C1QL1: variants seen among roughly 807,000 people sequenced by gnomAD.
C1QL1 encodes complement C1q like 1.
A neutral mutation model predicts 14.2 loss-of-function variants in C1QL1; 15 were observed. The observed-to-expected ratio is 1.06, with a 90% confidence interval of 0.71 to 1.62. The LOEUF is 1.62. Ranked by LOEUF, C1QL1 falls within the 40% of genes most tolerant of loss-of-function variation. C1QL1 has a pLI of 0.00. For synonymous variants in C1QL1, 172 were observed against 172.4 expected (o/e 1.00, Z 0.02); for missense variants, 346 against 380.3 (o/e 0.91, Z 0.75).
Position 44,968,192 on chromosome 17 carries a change from G to A in C1QL1, c.-144C>T. Reference sequence around the variant, plus strand: ...GGCGCCCGCGCTCAAGGACGGTCCGGCGGGGCTGCGGGCATGGGGCCGGGC... The same window carrying A: ...GGCGCCCGCGCTCAAGGACGGTCCGACGGGGCTGCGGGCATGGGGCCGGGC... On this transcript the variant is annotated 5_prime_UTR_variant, in exon 1 of 2. Transcript: ENST00000253407. 4.6e-6 allele frequency: 1 copy of A among 218,744 alleles called. No individual in the cohort carries two copies. The highest frequency in any genetic ancestry group is 8.0e-6 in the Non-Finnish European group (1 of 125,584). 13.6% of individuals were successfully genotyped at this position (218,744 alleles called of 1,614,324 possible).
At position 44,967,996 on chromosome 17, in the gene C1QL1, G is replaced by C. The variant is rs763732036; in HGVS notation, c.53C>G (p.Pro18Arg). 1.4e-6 allele frequency: 2 copies of C among 1,385,576 alleles called. No homozygotes were observed. Among genetic ancestry groups the C allele is most frequent in the South Asian group, 3.3e-5 (2 of 61,018 alleles). 85.8% of individuals were successfully genotyped at this position (1,385,576 alleles called of 1,614,324 possible). A position where few individuals can be genotyped will look rare whatever the true frequency, so the allele number is the denominator to read the frequency against. Residue 18 changes from proline to arginine, a missense_variant, in exon 1 of 2, where the codon CCG becomes CGG. Coordinates refer to ENST00000253407, the MANE Select transcript of C1QL1 (RefSeq NM_006688.5). This position sits in a 1 kb window ranked among gnomAD's most constrained non-coding sequence, Gnocchi z 7.0. ...GCCCAGCATCTCATAGTGGCCTTCC[G>C]GGCCGCCCGAGCTCACCAGCACGGG... ...LIPVLVSSGG[P>R]EGHYEMLGTC...
chr17:44,968,156 G>T lies in C1QL1; in HGVS notation c.-108C>A. 2 of 619,220 alleles carry T rather than the reference G, an allele frequency of 3.2e-6. No homozygotes were observed. The highest frequency in any genetic ancestry group is 4.3e-6 in the Non-Finnish European group (2 of 463,184). 38.4% of individuals were successfully genotyped at this position (619,220 alleles called of 1,614,324 possible). ...GGGGCAATGGTGCCGGCGGGCAGGG[G>T]GCGCGGGCTAGGCGCCCGCGCTCAA... On this transcript the variant is annotated 5_prime_UTR_variant, in exon 1 of 2. Transcript: ENST00000253407.
Position 44,967,560 on chromosome 17 carries a change from G to A in C1QL1, c.489C>T (p.Ser163=), listed in dbSNP as rs775700744. The part of the protein sequence containing the change: ...TNLGNNYDAA[S]GKFTCNIPGT... ...CGGGAATGTTGCACGTAAACTTGCC[G>A]CTGGCCGCGTCGTAGTTGTTGCCTA... is the stretch of plus-strand genomic sequence containing the variant. The change falls in exon 1 of 2, where the codon AGC becomes AGT. Residue 163 remains serine, a synonymous_variant. Coordinates refer to ENST00000253407, the MANE Select transcript of C1QL1 (RefSeq NM_006688.5). The surrounding 1 kb of genome is among the most constrained non-coding windows in gnomAD (Gnocchi z 7.0). The A allele has an allele frequency of 6.2e-6, 10 of 1,613,998 alleles. No homozygotes were observed. Among genetic ancestry groups the A allele is most frequent in the Non-Finnish European group, 7.6e-6 (9 of 1,179,968 alleles).
At position 44,959,806 on chromosome 17, in the gene C1QL1, G is replaced by A. The variant is rs890731687; in HGVS notation, c.*382C>T. 2 of 185,014 alleles carry A rather than the reference G, an allele frequency of 1.1e-5. No homozygotes were observed. Among genetic ancestry groups the A allele is most frequent in the Non-Finnish European group, 2.2e-5 (2 of 90,498 alleles). 11.5% of individuals were successfully genotyped at this position (185,014 alleles called of 1,614,324 possible). On this transcript the variant is annotated 3_prime_UTR_variant, in exon 2 of 2. Coordinates refer to ENST00000253407, the MANE Select transcript of C1QL1 (RefSeq NM_006688.5). ...CCCAACTCCCCCCTCCCCCGGGCGC[G>A]CCACCCCGGAGGGAGCGGAGGGCAG...
intron 1 of C1QL1, among the ~76,000 whole-genome samples, chr17:44,966,630 C>T (rs925731978): frequency 1.3e-5 from 2 of 152,168 alleles, no homozygotes; most frequent in South Asian, 2.1e-4. Flanking sequence ...GTCCCCGACA[C>T]ACTCAGTGCT....
Position 44,967,701 on chromosome 17 carries a change from G to A in C1QL1, c.348C>T (p.Ser116=). Residue 116 remains serine, a synonymous_variant, in exon 1 of 2, where the codon AGC becomes AGT. Coordinates refer to ENST00000253407, the MANE Select transcript of C1QL1 (RefSeq NM_006688.5). The surrounding 1 kb of genome is among the most constrained non-coding windows in gnomAD (Gnocchi z 7.0). Reference sequence around the variant, plus strand: ...TGTAGGTGGCAGTGCTGATGGCGCCGCTGCCCCCCGCGCCCGGCAGCCCCG... The same window carrying A: ...TGTAGGTGGCAGTGCTGATGGCGCCACTGCCCCCCGCGCCCGGCAGCCCCG... ...GPPGLPGAGG[S]GAISTATYTT... is the part of the protein sequence containing the mutation. The A allele has an allele frequency of 6.2e-7, 1 of 1,610,928 alleles. No individual in the cohort carries two copies.
Position 44,960,116 on chromosome 17 carries a change from G to A in C1QL1, c.*72C>T, listed in dbSNP as rs2052619186. 1 of 1,391,406 alleles carries A rather than the reference G, an allele frequency of 7.2e-7. No homozygotes were observed. Among genetic ancestry groups the A allele is most frequent in the Admixed American group, 1.7e-5 (1 of 57,952 alleles). 86.2% of individuals were successfully genotyped at this position (1,391,406 alleles called of 1,614,324 possible). ...GGCAGCGAGCGGGTGGGCGAGGGGC[G>A]AGTCATCGTCTGCCCCGCCCGGAGG... On this transcript the variant is annotated 3_prime_UTR_variant, in exon 2 of 2. Transcript: ENST00000253407.
chr17:44,960,558 G>C (rs1189673180), intron 1 of C1QL1, among the ~76,000 whole-genome samples, 191 bp from the exon 2 acceptor site: 1 of 152,218 alleles, frequency 6.6e-6, no homozygotes, highest in Non-Finnish European at 1.5e-5. Context: ...AAGGGGCAGA[G>C]AGGATCCCTG....
At chr17:44,960,418 A>C (rs766316897) in intron 1 of C1QL1, 51 bp from the exon 2 acceptor site, 1 of 1,388,574 alleles carries the variant, frequency 7.2e-7, no homozygotes, top group East Asian at 2.3e-5. Context: ...GAGGATGAGA[A>C]GGGAGGGAGG....
Position 44,967,847 on chromosome 17 carries a change from G to C in C1QL1, c.202C>G (p.Pro68Ala), listed in dbSNP as rs972279871. The change falls in exon 1 of 2, where the codon CCC becomes GCC. Residue 68 changes from proline (P) to alanine (A), a missense_variant. Transcript: ENST00000253407. The surrounding 1 kb of genome is among the most constrained non-coding windows in gnomAD (Gnocchi z 7.0). ...CCGGTGCGGCCCGGCTTCCCCTGGG[G>C]GCCCTGCACCAGCGTGGAAGGCGGG... Reference protein sequence around the residue: ...APPPSTLVQGPQGKPGRTGKP... With the variant: ...APPPSTLVQGAQGKPGRTGKP... 2.9e-6 allele frequency: 4 copies of C among 1,357,890 alleles called. No homozygotes were observed. The highest frequency in any genetic ancestry group is 1.5e-5 in the African/African-American group (1 of 64,600). The allele number at this position is 1,357,890 out of a possible 1,614,324, so 84.1% of individuals were successfully genotyped here.
intron 1 of C1QL1, among the ~76,000 whole-genome samples, chr17:44,961,332 C>T (rs2052625898): frequency 6.6e-6 from 1 of 152,202 alleles, no homozygotes; most frequent in Non-Finnish European, 1.5e-5. Context: ...GTGGCTCATG[C>T]CTGTGATCCC....
At chr17:44,960,481 C>T (rs1030899823) in intron 1 of C1QL1, 114 bp from the exon 2 acceptor site, 5 of 702,050 alleles carry the variant, frequency 7.1e-6, no homozygotes, top group African/African-American at 3.5e-5. Flanking sequence ...GGCCTCCAGC[C>T]TCGCCTCATC....
At chr17:44,962,739 C>T (rs1160834531) in intron 1 of C1QL1, among the ~76,000 whole-genome samples, 2 of 152,002 alleles carry the variant, frequency 1.3e-5, no homozygotes, top group African/African-American at 4.8e-5. Context: ...TTTTTATTGC[C>T]CAGATTAATT....
At chr17:44,961,865 C>T (rs2052628829) in intron 1 of C1QL1, among the ~76,000 whole-genome samples, 1 of 143,582 alleles carries the variant, frequency 7.0e-6, no homozygotes. Flanking sequence ...CGCAGTCCGG[C>T]CTGGGCGACA....
intron 1 of C1QL1, among the ~76,000 whole-genome samples, chr17:44,964,328 G>A (rs1295410400): frequency 6.6e-6 from 1 of 152,326 alleles, no homozygotes; most frequent in East Asian, 1.9e-4. Context: ...CCCATACATT[G>A]TCTGGTCCTG....
intron 1 of C1QL1, among the ~76,000 whole-genome samples, chr17:44,966,370 G>A (rs552147774): frequency 1.3e-5 from 2 of 152,326 alleles, no homozygotes; most frequent in South Asian, 2.1e-4. Flanking sequence ...TATCTTAATC[G>A]TGAGAGATTC....
intron 1 of C1QL1, among the ~76,000 whole-genome samples, chr17:44,964,005 T>C (rs1172917717): frequency 6.6e-6 from 1 of 152,014 alleles, no homozygotes; most frequent in African/African-American, 2.4e-5. Flanking sequence ...CAACCCAGAG[T>C]CCTTTCCCCA....
In C1QL1 at chr17:44,960,080, G is replaced by A. The variant is rs558917505; in HGVS notation, c.*108C>T. 32 of 1,000,228 alleles carry A rather than the reference G, an allele frequency of 3.2e-5. No individual in the cohort carries two copies. The East Asian group carries it at 7.0e-4, about 22-fold the overall frequency. 62.0% of individuals were successfully genotyped at this position (1,000,228 alleles called of 1,614,324 possible). A position where few individuals can be genotyped will look rare whatever the true frequency, so the allele number is the denominator to read the frequency against. ...AGCACGGGCCGGGGGCGTCATAGCC[G>A]GGGAGGGCCGGGCAGCGAGCGGGTG... is the stretch of plus-strand genomic sequence containing the variant. On this transcript the variant is annotated 3_prime_UTR_variant, in exon 2 of 2. Transcript: ENST00000253407.
chr17:44,965,015 A>AT (rs564042405), intron 1 of C1QL1, among the ~76,000 whole-genome samples: 4,026 of 132,694 alleles, frequency 0.03, 197 homozygotes, highest in African/African-American at 0.1. Context: ...TAATGTTTGT[A>AT]TTTTTTTTTT....
Sources: gnomAD v4.1 joint callset for allele counts (sites outside exome capture counted in the v4.1 genomes callset) on GRCh38, gnomAD v4.1.1 for gene constraint, Gnocchi (gnomAD v3.1) non-coding constraint, MANE v1.5 for transcripts, NCBI Gene and HGNC (gene_info 2026-07-23, HGNC 2026-07-21) for gene names.